Variants in PTPRM observed in about 807,000 individuals in gnomAD.
PTPRM encodes receptor-type tyrosine-protein phosphatase mu.
A neutral mutation model predicts 186.7 loss-of-function variants in PTPRM; 47 were observed. That is an observed-to-expected ratio of 0.25 (90% CI 0.20 to 0.32). PTPRM has a LOEUF of 0.32. Ranked by LOEUF, PTPRM falls within the 10% of genes least tolerant of loss-of-function variation. PTPRM has a pLI of 1.00. For missense variants in PTPRM, 1,494 were observed against 1,865.0 expected (o/e 0.80, Z 3.66); for synonymous variants, 668 against 674.9 (o/e 0.99, Z 0.16).
rs369402667 is a variant in PTPRM, at chr18:8,326,730, A to T, written c.2956+7516A>T. The stretch of plus-strand genomic sequence containing the variant: ...TTATTGAATAATAAATGGTGCTGGG[A>T]TAACTGGCTAGCCATATGCAGAAGA... On this transcript the variant is annotated intron_variant, in intron 22 of 32. Transcript: ENST00000580170. Among the ~76,000 whole-genome samples, 17 of 152,350 alleles carry T rather than the reference A, an allele frequency of 1.1e-4. 1 individual carries two copies. The East Asian group carries it at 2.7e-3, about 24-fold the overall frequency.
intron 22 of PTPRM, among the ~76,000 whole-genome samples, chr18:8,333,975 T>A (rs1056336007): frequency 1.3e-5 from 2 of 152,218 alleles, no homozygotes; most frequent in African/African-American, 4.8e-5. Context: ...AGAATAGTGG[T>A]GCTGGGCTGA....
At chr18:7,763,321 A>G (rs976637705) in intron 1 of PTPRM, among the ~76,000 whole-genome samples, 3 of 152,308 alleles carry the variant, frequency 2.0e-5, no homozygotes, top group East Asian at 3.9e-4. Context: ...GTGGAGGAGC[A>G]CCAGTTCATA....
chr18:7,597,329 C>G (rs2037292169), intron 1 of PTPRM, among the ~76,000 whole-genome samples: 1 of 152,176 alleles, frequency 6.6e-6, no homozygotes, highest in South Asian at 2.1e-4. Flanking sequence ...GCTGTTCTCT[C>G]TGTGTTCTCT....
At position 7,574,366 on chromosome 18, in the gene PTPRM, G is replaced by A. The variant is rs143612612; in HGVS notation, c.73+6475G>A. On this transcript the variant is annotated intron_variant, in intron 1 of 32. Transcript: ENST00000580170. ...TGGTTAGCCATTGGAAATTTCCCTG[G>A]GTTGATATTTTGTATAGGAGATATT... 5.4e-3 allele frequency among the ~76,000 whole-genome samples: 815 copies of A among 152,176 alleles called. 6 individuals carry two copies. Among genetic ancestry groups the A allele is most frequent in the Middle Eastern group, 0.017 (5 of 294 alleles).
intron 7 of PTPRM, among the ~76,000 whole-genome samples, chr18:8,035,170 A>C (rs2086240790): frequency 6.6e-6 from 1 of 152,218 alleles, no homozygotes. Context: ...TTGGCTTAAT[A>C]GTTTCTCAAT....
chr18:7,669,431 G>A (rs1040797492), intron 1 of PTPRM, among the ~76,000 whole-genome samples: 47 of 152,134 alleles, frequency 3.1e-4, no homozygotes, highest in African/African-American at 1.1e-3. Flanking sequence ...CTGTCCATTT[G>A]CATGCCTATT....
At chr18:7,770,970 C>A (rs638237) in intron 1 of PTPRM, among the ~76,000 whole-genome samples, 2 of 151,668 alleles carry the variant, frequency 1.3e-5, no homozygotes, top group Admixed American at 6.6e-5. Flanking sequence ...TCATAAGTCC[C>A]GAAAGAACCA....
At chr18:7,749,294 G>T (rs1266069222) in intron 1 of PTPRM, 1 of 151,394 alleles carries the variant, frequency 6.6e-6, no homozygotes, top group Non-Finnish European at 1.5e-5. Flanking sequence ...CACTATTTTT[G>T]CTGGCAGCAC....
intron 4 of PTPRM, 62 bp downstream of exon 4, chr18:7,906,645 T>G (rs1226571380): frequency 1.5e-6 from 2 of 1,302,734 alleles, no homozygotes; most frequent in African/African-American, 2.9e-5. Context: ...ACATTATGAA[T>G]GAAGAGAAGG....
At chr18:7,788,006 C>G (rs568639258) in intron 2 of PTPRM, among the ~76,000 whole-genome samples, 1 of 152,124 alleles carries the variant, frequency 6.6e-6, no homozygotes, top group Non-Finnish European at 1.5e-5. Context: ...TGTGGCCTCC[C>G]TGAAAGGGTC....
At chr18:7,570,096 A>G (rs1328159100) in intron 1 of PTPRM, among the ~76,000 whole-genome samples, 2 of 152,306 alleles carry the variant, frequency 1.3e-5, no homozygotes, top group African/African-American at 4.8e-5. Context: ...ACTGCACCCC[A>G]GCCTGGGTGA....
At chr18:7,753,415 A>G (rs1348167757) in intron 1 of PTPRM, among the ~76,000 whole-genome samples, 4 of 152,192 alleles carry the variant, frequency 2.6e-5, no homozygotes, top group Non-Finnish European at 5.9e-5. Context: ...CTTTGAAAGC[A>G]GACACATCTT....
At chr18:7,713,280 T>A in intron 1 of PTPRM, among the ~76,000 whole-genome samples, 1 of 152,064 alleles carries the variant, frequency 6.6e-6, no homozygotes, top group Non-Finnish European at 1.5e-5. Flanking sequence ...AGCTTCATAA[T>A]TCAAGGATAA....
intron 4 of PTPRM, among the ~76,000 whole-genome samples, chr18:7,917,476 C>A (rs2050628040): frequency 6.6e-6 from 1 of 152,150 alleles, no homozygotes; most frequent in Admixed American, 6.6e-5. Flanking sequence ...GCGGAGGTTG[C>A]AGTGAGCCCA....
chr18:8,142,380 T>A (rs1371610983), intron 13 of PTPRM, among the ~76,000 whole-genome samples: 1 of 152,166 alleles, frequency 6.6e-6, no homozygotes, highest in Non-Finnish European at 1.5e-5. Flanking sequence ...ATGTTCAGAA[T>A]GCAGGGCCTC....
At chr18:7,848,835 C>T (rs2046724785) in intron 2 of PTPRM, among the ~76,000 whole-genome samples, 1 of 152,060 alleles carries the variant, frequency 6.6e-6, no homozygotes, top group African/African-American at 2.4e-5. Context: ...GAGAGTAAGC[C>T]ACTGTTTCTA....
chr18:7,639,198 C>T (rs567212189), intron 1 of PTPRM, among the ~76,000 whole-genome samples: 2 of 152,224 alleles, frequency 1.3e-5, no homozygotes, highest in East Asian at 3.9e-4. Flanking sequence ...CCTCAGCCTC[C>T]CGAGTACCTG....
chr18:7,821,591 G>A (rs2045199293), intron 2 of PTPRM, among the ~76,000 whole-genome samples: 1 of 151,960 alleles, frequency 6.6e-6, no homozygotes, highest in African/African-American at 2.4e-5. Context: ...CTATGATGAT[G>A]TTTAATTTAT....
chr18:8,195,639 C>T (rs772682667), intron 14 of PTPRM, among the ~76,000 whole-genome samples: 1 of 152,140 alleles, frequency 6.6e-6, no homozygotes, highest in African/African-American at 2.4e-5. Flanking sequence ...ACCTTAGACA[C>T]AAAAAGTCAA....
Sources: allele counts gnomAD v4.1 joint callset (sites outside exome capture counted in the v4.1 genomes callset), GRCh38; gene constraint gnomAD v4.1.1; transcripts MANE v1.5; gene names NCBI Gene and HGNC (gene_info 2026-07-23, HGNC 2026-07-21).